SOX5: variants seen among roughly 807,000 people sequenced by gnomAD.
SOX5 encodes the protein SRY-box transcription factor 5.
Under a neutral mutation model 92.0 loss-of-function variants are expected in SOX5, and 9 were observed. The ratio of observed to expected loss-of-function variants is 0.10; its 90% CI spans 0.06 to 0.17. The LOEUF (loss-of-function observed/expected upper bound fraction) is 0.17. SOX5 is among the 10% of genes least tolerant of loss of function. SOX5 has a pLI of 1.00. For synonymous variants in SOX5, 344 were observed against 336.3 expected (o/e 1.02, Z -0.25); for missense variants, 642 against 944.5 (o/e 0.68, Z 4.20).
intron 2 of SOX5, among the ~76,000 whole-genome samples, chr12:24,309,222 A>G (rs1055702042): frequency 6.6e-6 from 1 of 152,202 alleles, no homozygotes; most frequent in Non-Finnish European, 1.5e-5. Flanking sequence ...CCGGCTTTTC[A>G]GCAGAGCCTG....
Position 24,474,542 on chromosome 12 carries a change from T to C in SOX5, c.-251+87787A>G, listed in dbSNP as rs558785394. ...CGTAATTATGACTTTTTTTGTTTGT[T>C]CGTTTGTTTTTGAGACAGAGTCTAG... On this transcript the variant is annotated intron_variant, in intron 1 of 4. Transcript: ENST00000446891. Among the ~76,000 whole-genome samples the C allele has an allele frequency of 9.2e-5, 14 of 152,274 alleles. No homozygotes were observed. The South Asian group carries it at 2.9e-3, about 32-fold the overall frequency.
In SOX5 at chr12:23,944,653, T is replaced by C. The variant is rs990159634; in HGVS notation, c.38+4911A>G. 2.6e-5 allele frequency among the ~76,000 whole-genome samples: 4 copies of C among 152,142 alleles called. No homozygotes were observed. In the East Asian group the frequency reaches 5.8e-4, roughly 22 times the overall value. On this transcript the variant is annotated intron_variant, in intron 1 of 14. Coordinates refer to ENST00000451604, the MANE Select transcript of SOX5 (RefSeq NM_006940.6). Reference sequence around the variant, plus strand: ...TATCACTTGATCCTGTTTATCTACATAGCAATCAAATTTCACATTTAATAC... The same window carrying C: ...TATCACTTGATCCTGTTTATCTACACAGCAATCAAATTTCACATTTAATAC...
intron 4 of SOX5, among the ~76,000 whole-genome samples, chr12:23,742,595 G>C (rs2093837278): frequency 6.6e-6 from 1 of 152,064 alleles, no homozygotes; most frequent in Non-Finnish European, 1.5e-5. Flanking sequence ...TGTTAATAGA[G>C]AAGTAAATTT....
At chr12:23,739,488 A>G (rs12309962) in intron 5 of SOX5, among the ~76,000 whole-genome samples, 7,090 of 152,218 alleles carry the variant, frequency 0.047, 547 homozygotes, top group African/African-American at 0.16. Flanking sequence ...TTACTTTTCT[A>G]TAGCATTTAA....
intron 4 of SOX5, among the ~76,000 whole-genome samples, chr12:24,210,824 C>T (rs1958527091): frequency 6.6e-6 from 1 of 152,054 alleles, no homozygotes. Flanking sequence ...ACAATGTTGC[C>T]CTAATCATTA....
At chr12:23,713,647 C>CTGTG (rs138042111) in intron 6 of SOX5, among the ~76,000 whole-genome samples, 122 of 146,954 alleles carry the variant, frequency 8.3e-4, no homozygotes, top group African/African-American at 2.3e-3. Context: ...TCCAGTGTCT[C>CTGTG]TGTGTGTGTG....
intron 2 of SOX5, among the ~76,000 whole-genome samples, chr12:24,319,731 G>A (rs944168538): frequency 6.6e-6 from 1 of 152,116 alleles, no homozygotes; most frequent in Admixed American, 6.5e-5. Context: ...GGTACGGTGT[G>A]CAAGACTTTT....
chr12:24,212,485 G>A (rs1179079219), intron 4 of SOX5: 4 of 534,148 alleles, frequency 7.5e-6, no homozygotes, highest in East Asian at 1.1e-4. Context: ...AGCTGTGGAA[G>A]CAGTAACACG....
chr12:24,114,337 G>T (rs943053449), intron 4 of SOX5, among the ~76,000 whole-genome samples: 2 of 151,872 alleles, frequency 1.3e-5, no homozygotes, highest in African/African-American at 4.8e-5. Context: ...AGCACTTCTG[G>T]AGGCTGAAGT....
chr12:23,955,035 G>A (rs10842243), upstream of SOX5, among the ~76,000 whole-genome samples: 5,391 of 152,152 alleles, frequency 0.035, 476 homozygotes, highest in East Asian at 0.27. Flanking sequence ...AATGCGATAT[G>A]TAGACTTATC....
At chr12:23,952,266 T>C (rs541965162), upstream of SOX5, among the ~76,000 whole-genome samples, 185 of 152,168 alleles carry the variant, frequency 1.2e-3, no homozygotes, top group African/African-American at 4.3e-3. Flanking sequence ...AGCATAAAGA[T>C]AGAAACAAAG....
intron 4 of SOX5, among the ~76,000 whole-genome samples, chr12:24,035,133 C>T (rs1203665003): frequency 2.0e-5 from 3 of 152,062 alleles, no homozygotes; most frequent in East Asian, 1.9e-4. Flanking sequence ...ATGGCAGTGA[C>T]GCCCTTTGTG....
intron 4 of SOX5, among the ~76,000 whole-genome samples, chr12:24,125,932 C>T (rs1010778439): frequency 1.3e-5 from 2 of 152,278 alleles, no homozygotes; most frequent in South Asian, 2.1e-4. Context: ...TCCAAGAGGG[C>T]CTTTCAGATC....
chr12:23,817,575 T>C (rs888557356), intron 3 of SOX5, among the ~76,000 whole-genome samples: 4 of 152,204 alleles, frequency 2.6e-5, no homozygotes, highest in Non-Finnish European at 5.9e-5. Flanking sequence ...CCAGTGAATA[T>C]TGGAATTGTT....
intron 6 of SOX5, among the ~76,000 whole-genome samples, chr12:23,707,570 A>G (rs1238329162): frequency 6.6e-6 from 1 of 152,186 alleles, no homozygotes; most frequent in Non-Finnish European, 1.5e-5. Context: ...ATTATGTGCT[A>G]CAATTTAACT....
At chr12:23,620,960 A>G (rs1270962755) in intron 8 of SOX5, among the ~76,000 whole-genome samples, 1 of 152,098 alleles carries the variant, frequency 6.6e-6, no homozygotes. Context: ...AGGATTTTTA[A>G]ACTTTTTCCC....
rs1277712414 is a variant in SOX5 at position 23,740,849 on chromosome 12, T to A, written c.741+18A>T. 6.3e-7 allele frequency: 1 copy of A among 1,599,054 alleles called. No individual in the cohort carries two copies. The highest frequency in any genetic ancestry group is 8.6e-7 in the Non-Finnish European group (1 of 1,169,534). On this transcript the variant is annotated intron_variant, in intron 5 of 14. Coordinates refer to ENST00000451604, the MANE Select transcript of SOX5 (RefSeq NM_006940.6). The stretch of plus-strand genomic sequence containing the variant: ...GTAATGTCTGAGGAATATGACTGCA[T>A]CGCTAGTTCTTACTCACTTGTTCTT...
At chr12:24,495,194 G>A (rs1947497421) in intron 1 of SOX5, among the ~76,000 whole-genome samples, 1 of 152,158 alleles carries the variant, frequency 6.6e-6, no homozygotes, top group Non-Finnish European at 1.5e-5. Flanking sequence ...AGAACTATCA[G>A]AGTAATATAT....
chr12:23,616,530 G>A (rs1030827089), intron 8 of SOX5, among the ~76,000 whole-genome samples: 1 of 152,166 alleles, frequency 6.6e-6, no homozygotes, highest in African/African-American at 2.4e-5. Flanking sequence ...TCACCGGGAG[G>A]AGCAACTTCA....
Sources: gnomAD v4.1 joint callset for allele counts (sites outside exome capture counted in the v4.1 genomes callset) on GRCh38, gnomAD v4.1.1 for gene constraint, MANE v1.5 for transcripts, NCBI Gene and HGNC (gene_info 2026-07-23, HGNC 2026-07-21) for gene names.